Variants in SLC10A7 observed in about 807,000 individuals in gnomAD.
SLC10A7 encodes the protein sodium/bile acid cotransporter 7.
A neutral mutation model predicts 43.2 loss-of-function variants in SLC10A7; 29 were observed. That is an observed-to-expected ratio of 0.67 (90% CI 0.50 to 0.92). SLC10A7 has a LOEUF of 0.92. Among genes scored for constraint, SLC10A7 ranks in the 40% least tolerant of loss-of-function variants. SLC10A7 has a pLI of 0.00. For synonymous variants in SLC10A7, 152 were observed against 144.8 expected (o/e 1.05, Z -0.35); for missense variants, 295 against 403.2 (o/e 0.73, Z 2.30).
chr4:146,388,022 G>A (rs760495243), intron 5 of SLC10A7, among the ~76,000 whole-genome samples: 1 of 152,138 alleles, frequency 6.6e-6, no homozygotes, highest in Non-Finnish European at 1.5e-5. Context: ...CAGATTCAAC[G>A]TAATCCCTAT....
intron 6 of SLC10A7, among the ~76,000 whole-genome samples, chr4:146,319,684 A>G (rs929069752): frequency 6.6e-6 from 1 of 152,082 alleles, no homozygotes; most frequent in Non-Finnish European, 1.5e-5. Flanking sequence ...AACTTTTTTG[A>G]GGAATTCTGC....
rs778642245 is a variant in SLC10A7, at chr4:146,442,774, T to C, written c.435+9A>G. The C allele has an allele frequency of 2.1e-5, 33 of 1,603,060 alleles. No individual in the cohort carries two copies. In the African/African-American group the frequency reaches 2.8e-4, roughly 14 times the overall value. On this transcript the variant is annotated intron_variant, in intron 5 of 11. Transcript: ENST00000335472. ...GTTGTAATAGACAAGTTAAACTATG[T>C]TTACTTACCAAAAAACTTCCAAAGG...
At position 146,256,438 on chromosome 4, in the gene SLC10A7, G is replaced by T; in HGVS notation, c.*53C>A. 11 of 1,543,170 alleles carry T rather than the reference G, an allele frequency of 7.1e-6. No homozygotes were observed. The highest frequency in any genetic ancestry group is 9.8e-6 in the Non-Finnish European group (11 of 1,119,364). On this transcript the variant is annotated 3_prime_UTR_variant, in exon 12 of 12. Coordinates refer to ENST00000335472, the MANE Select transcript of SLC10A7 (RefSeq NM_001029998.6). ...CAAGTACAAGTCTTCAGAATTGCTA[G>T]TATGTACAATCCTGTACATATATAC...
intron 4 of SLC10A7, among the ~76,000 whole-genome samples, chr4:146,484,615 A>G (rs1398629658): frequency 1.3e-5 from 2 of 152,210 alleles, no homozygotes; most frequent in African/African-American, 4.8e-5. Flanking sequence ...TTTAGGATAA[A>G]AAAGTCTAGA....
chr4:146,316,963 TATC>T (rs1233709451), intron 6 of SLC10A7, among the ~76,000 whole-genome samples: 3 of 152,132 alleles, frequency 2.0e-5, no homozygotes, highest in Non-Finnish European at 4.4e-5. Context: ...CATTTCATCT[TATC>T]ATAATCTTCA....
intron 2 of SLC10A7, among the ~76,000 whole-genome samples, chr4:146,511,750 C>T (rs1392138878): frequency 6.6e-6 from 1 of 152,114 alleles, no homozygotes; most frequent in East Asian, 1.9e-4. Context: ...TAAGAGAAAG[C>T]AAGCCATCCT....
At chr4:146,335,251 TAAAAAAAAAAAAAAAAA>T (rs34522588) in intron 5 of SLC10A7, among the ~76,000 whole-genome samples, 1 of 92,640 alleles carries the variant, frequency 1.1e-5, no homozygotes, top group Non-Finnish European at 2.1e-5. Flanking sequence ...ACAGATGTTG[TAAAAAAAAAAAAAAAAA>T]AAAAAAAAAA....
chr4:146,480,746 C>T (rs546376829), intron 4 of SLC10A7, among the ~76,000 whole-genome samples: 2 of 151,946 alleles, frequency 1.3e-5, no homozygotes, highest in African/African-American at 4.8e-5. Flanking sequence ...GTTGGGGTTC[C>T]GTTCTAAAGA....
intron 5 of SLC10A7, among the ~76,000 whole-genome samples, chr4:146,332,164 C>T (rs927664446): frequency 1.3e-5 from 2 of 152,124 alleles, no homozygotes; most frequent in Non-Finnish European, 2.9e-5. Context: ...TCTTAACATG[C>T]CCAAATCAAA....
At chr4:146,519,332 T>G in intron 1 of SLC10A7, among the ~76,000 whole-genome samples, 1 of 145,252 alleles carries the variant, frequency 6.9e-6, no homozygotes, top group African/African-American at 2.5e-5. Flanking sequence ...TTTAACATAA[T>G]ATATAATATT....
chr4:146,502,430 T>C (rs1381860117), intron 4 of SLC10A7, among the ~76,000 whole-genome samples: 1 of 152,222 alleles, frequency 6.6e-6, no homozygotes, highest in African/African-American at 2.4e-5. Flanking sequence ...AGAAGCTATT[T>C]ATAGGAGACT....
At chr4:146,420,149 C>T (rs1033728092) in intron 5 of SLC10A7, among the ~76,000 whole-genome samples, 10 of 152,142 alleles carry the variant, frequency 6.6e-5, no homozygotes, top group Non-Finnish European at 4.4e-5. Context: ...TGTCTATTCA[C>T]TTAACACCCA....
At chr4:146,349,772 G>A (rs1475123957) in intron 5 of SLC10A7, among the ~76,000 whole-genome samples, 1 of 152,036 alleles carries the variant, frequency 6.6e-6, no homozygotes, top group East Asian at 1.9e-4. Context: ...ACTTACAAGC[G>A]GAACCTAGAT....
chr4:146,450,998 G>A (rs1343048357), intron 4 of SLC10A7, among the ~76,000 whole-genome samples: 18 of 150,934 alleles, frequency 1.2e-4, no homozygotes, highest in Admixed American at 1.2e-3. Context: ...GGAAGCAACT[G>A]GATTTTTTAC....
At chr4:146,391,490 T>C (rs1738425534) in intron 5 of SLC10A7, among the ~76,000 whole-genome samples, 1 of 152,180 alleles carries the variant, frequency 6.6e-6, no homozygotes, top group Non-Finnish European at 1.5e-5. Context: ...CTGACATAAT[T>C]TGAGTTGAGA....
chr4:146,333,152 C>G (rs1436763257), intron 5 of SLC10A7, among the ~76,000 whole-genome samples: 2 of 152,072 alleles, frequency 1.3e-5, no homozygotes, highest in Non-Finnish European at 2.9e-5. Context: ...ATACTTTGAT[C>G]AAAAAATACC....
At chr4:146,308,118 G>A (rs1731716651) in intron 6 of SLC10A7, among the ~76,000 whole-genome samples, 1 of 152,144 alleles carries the variant, frequency 6.6e-6, no homozygotes, top group Non-Finnish European at 1.5e-5. Context: ...ACAGGTTACA[G>A]CAGCCTTCCT....
At chr4:146,521,486 A>C in intron 1 of SLC10A7, 132 bp downstream of exon 1, 1 of 685,048 alleles carries the variant, frequency 1.5e-6, no homozygotes, top group South Asian at 2.0e-5. Flanking sequence ...AATCAGCAAA[A>C]GGGCCAAAGG....
intron 10 of SLC10A7, among the ~76,000 whole-genome samples, 198 bp from the exon 11 acceptor site, chr4:146,259,035 G>C (rs536597922): frequency 6.6e-6 from 1 of 152,296 alleles, no homozygotes; most frequent in African/African-American, 2.4e-5. Context: ...GTTCTAACTA[G>C]GATAAGGTGG....
Sources: allele counts gnomAD v4.1 joint callset (sites outside exome capture counted in the v4.1 genomes callset), GRCh38; gene constraint gnomAD v4.1.1; transcripts MANE v1.5; gene names NCBI Gene and HGNC (gene_info 2026-07-23, HGNC 2026-07-21).